ST3GAL5: variants seen among roughly 807,000 people sequenced by gnomAD.
The protein encoded by ST3GAL5 is lactosylceramide alpha-2,3-sialyltransferase.
ST3GAL5 carries 25 observed loss-of-function variants against 46.1 expected under a neutral mutation model. The observed-to-expected ratio is 0.54, with a 90% CI of 0.40 to 0.76. The LOEUF is 0.76. Ranked by LOEUF, ST3GAL5 falls within the 30% of genes least tolerant of loss-of-function variation. The pLI is 0.00. For missense variants in ST3GAL5, 431 were observed against 521.2 expected (o/e 0.83, Z 1.69); for synonymous variants, 182 against 192.7 (o/e 0.94, Z 0.46).
intron 1 of ST3GAL5, among the ~76,000 whole-genome samples, chr2:85,880,169 G>A (rs773654936): frequency 1.3e-5 from 2 of 152,178 alleles, no homozygotes; most frequent in Admixed American, 6.5e-5. Context: ...GAGGGACAGT[G>A]ACTGGGACAG....
At chr2:85,865,592 T>C (rs1685206557) in intron 1 of ST3GAL5, among the ~76,000 whole-genome samples, 1 of 152,230 alleles carries the variant, frequency 6.6e-6, no homozygotes, top group Non-Finnish European at 1.5e-5. Flanking sequence ...TTACTTCATG[T>C]ACAGTCAGCC....
chr2:85,843,689 T>A lies in ST3GAL5; in HGVS notation c.1008+707A>T, dbSNP rs527909571. 3.9e-5 allele frequency among the ~76,000 whole-genome samples: 6 copies of A among 152,352 alleles called. No individual in the cohort carries two copies. In the South Asian group the frequency reaches 1.2e-3, roughly 32 times the overall value. ...TAAGTTTTAAAGACACCAGTCAAGT[T>A]ATTCAGATCAAGAAGCCGCAAGTAA... is the stretch of plus-strand genomic sequence containing the variant. On this transcript the variant is annotated intron_variant, in intron 6 of 6. Transcript: ENST00000638572.
Position 85,853,557 on chromosome 2 carries a change from C to G in ST3GAL5, c.319-5353G>C, listed in dbSNP as rs1433818896. On this transcript the variant is annotated intron_variant, in intron 3 of 6. Coordinates refer to ENST00000638572, the MANE Select transcript of ST3GAL5 (RefSeq NM_003896.4). ...TCTTGTGGTAAGGATCAAATCTCCA[C>G]TGACTGCCTGGAGACGGGATTTTCT... is the stretch of plus-strand genomic sequence containing the variant. The G allele has an allele frequency of 1.8e-5, 3 of 162,624 alleles. No individual in the cohort carries two copies. The East Asian group carries it at 5.2e-4, about 28-fold the overall frequency. 10.1% of individuals were successfully genotyped at this position (162,624 alleles called of 1,614,324 possible).
chr2:85,867,426 A>T (rs759123962), intron 1 of ST3GAL5, among the ~76,000 whole-genome samples: 1 of 152,232 alleles, frequency 6.6e-6, no homozygotes, highest in Non-Finnish European at 1.5e-5. Flanking sequence ...ACTGAAAAAT[A>T]TAAGAAAAAG....
chr2:85,852,855 C>T (rs1359735393), intron 3 of ST3GAL5: 1 of 1,303,298 alleles, frequency 7.7e-7, no homozygotes, highest in Non-Finnish European at 1.0e-6. Context: ...CTTCAGTTTT[C>T]TTACCTCTAA....
In ST3GAL5 at chr2:85,838,533, G is replaced by A. The variant is rs1415359084; in HGVS notation, c.*1611C>T. On this transcript the variant is annotated 3_prime_UTR_variant, in exon 7 of 7. Transcript: ENST00000638572. ...TAAAACATTTTCTCTTAAACAAGCA[G>A]TAGCTTATAGAGTAGGAAATAAAAT... 1 of 152,186 alleles carries A rather than the reference G, an allele frequency of 6.6e-6. No individual in the cohort carries two copies. Among genetic ancestry groups the A allele is most frequent in the Admixed American group, 6.5e-5 (1 of 15,284 alleles). The allele number at this position is 152,186 out of a possible 1,614,324, so 9.4% of individuals were successfully genotyped here.
intron 1 of ST3GAL5, among the ~76,000 whole-genome samples, chr2:85,884,063 A>G (rs1687490405): frequency 6.6e-6 from 1 of 152,182 alleles, no homozygotes; most frequent in Non-Finnish European, 1.5e-5. Context: ...TACCACCTCT[A>G]GGCCAGACTG....
chr2:85,876,462 C>CTTTTT (rs59265377), intron 1 of ST3GAL5, among the ~76,000 whole-genome samples: 2 of 111,250 alleles, frequency 1.8e-5, no homozygotes, highest in Admixed American at 1.1e-4. Context: ...TTTCTTTTTC[C>CTTTTT]TTTTTTTTTT....
intron 3 of ST3GAL5, chr2:85,851,390 G>T: frequency 8.4e-7 from 1 of 1,184,100 alleles, no homozygotes. Context: ...GTTTCAACTC[G>T]TTTAACAGAT....
chr2:85,853,781 A>C (rs1039194197), intron 3 of ST3GAL5: 3 of 152,182 alleles, frequency 2.0e-5, no homozygotes, highest in African/African-American at 7.2e-5. Flanking sequence ...CTCCTCCCCA[A>C]ATCCTCAGTG....
intron 3 of ST3GAL5, chr2:85,853,107 A>G (rs1033615568): frequency 3.1e-6 from 4 of 1,301,538 alleles, no homozygotes; most frequent in Non-Finnish European, 4.1e-6. Flanking sequence ...GCTCTCAGAA[A>G]GGAGAGAGGG....
intron 3 of ST3GAL5, among the ~76,000 whole-genome samples, chr2:85,860,049 T>A (rs7561062): frequency 0.31 from 46,538 of 152,102 alleles, 7,534 homozygotes; most frequent in East Asian, 0.54. Flanking sequence ...GTACTGCCGC[T>A]GGTGACCCTG....
intron 4 of ST3GAL5, 55 bp from the exon 5 acceptor site, chr2:85,846,618 C>A: frequency 6.4e-7 from 1 of 1,552,060 alleles, no homozygotes; most frequent in South Asian, 1.1e-5. Context: ...TCAACCATCT[C>A]TGTACACCAG....
At chr2:85,871,678 G>T (rs1173628617) in intron 1 of ST3GAL5, among the ~76,000 whole-genome samples, 1 of 152,142 alleles carries the variant, frequency 6.6e-6, no homozygotes, top group South Asian at 2.1e-4. Flanking sequence ...GGACACACAT[G>T]GGTAGACACA....
intron 3 of ST3GAL5, chr2:85,851,536 G>T: frequency 7.8e-7 from 1 of 1,289,348 alleles, no homozygotes; most frequent in Non-Finnish European, 1.0e-6. Context: ...TGCTTCAATG[G>T]TGCACAACCA....
intron 1 of ST3GAL5, chr2:85,888,561 G>A (rs1688030341): frequency 1.2e-5 from 3 of 257,488 alleles, no homozygotes; most frequent in Admixed American, 1.1e-4. Flanking sequence ...CCACTGCGGC[G>A]GGACCCGACA....
At chr2:85,887,272 T>A (rs987855140) in intron 1 of ST3GAL5, 3 of 152,202 alleles carry the variant, frequency 2.0e-5, no homozygotes, top group African/African-American at 7.2e-5. Flanking sequence ...CCAATCTATT[T>A]TGATAACATG....
intron 1 of ST3GAL5, among the ~76,000 whole-genome samples, chr2:85,882,651 A>G (rs916034545): frequency 1.4e-5 from 2 of 145,030 alleles, no homozygotes; most frequent in African/African-American, 2.6e-5. Flanking sequence ...CAACATGGTG[A>G]AACCCCATCT....
At chr2:85,875,957 C>T (rs946169590) in intron 1 of ST3GAL5, among the ~76,000 whole-genome samples, 2 of 152,166 alleles carry the variant, frequency 1.3e-5, no homozygotes, top group African/African-American at 4.8e-5. Context: ...GGAGAGGTTC[C>T]AGCCAGAAGC....
Sources: allele counts gnomAD v4.1 joint callset (sites outside exome capture counted in the v4.1 genomes callset), GRCh38; gene constraint gnomAD v4.1.1; transcripts MANE v1.5; gene names NCBI Gene and HGNC (gene_info 2026-07-23, HGNC 2026-07-21).